GUCY1A1: variants seen among roughly 807,000 people sequenced by gnomAD.
The protein encoded by GUCY1A1 is guanylate cyclase soluble subunit alpha-1.
GUCY1A1 carries 48 observed loss-of-function variants against 64.5 expected under a neutral mutation model. That is an observed-to-expected ratio of 0.74 (90% CI 0.59 to 0.95). GUCY1A1 has a LOEUF of 0.95. Among genes scored for constraint, GUCY1A1 ranks in the 40% least tolerant of loss-of-function variants. The pLI, the probability that GUCY1A1 is intolerant of heterozygous loss-of-function variation, is 0.00. For missense variants in GUCY1A1, 804 were observed against 825.3 expected, an observed-to-expected ratio of 0.97 and a Z score of 0.32; for synonymous variants, 308 against 303.4, an observed-to-expected ratio of 1.02 and a Z score of -0.16.
At chr4:155,712,366 G>T (rs1163738131) in intron 6 of GUCY1A1, among the ~76,000 whole-genome samples, 1 of 152,086 alleles carries the variant, frequency 6.6e-6, no homozygotes, top group Non-Finnish European at 1.5e-5. Context: ...TCCTGACCTT[G>T]GGTGATCCAT....
chr4:155,697,925 T>C (rs892073939), intron 3 of GUCY1A1, among the ~76,000 whole-genome samples: 1 of 152,202 alleles, frequency 6.6e-6, no homozygotes, highest in African/African-American at 2.4e-5. Flanking sequence ...TAGTTTTATA[T>C]AGATTTGCTT....
chr4:155,701,905 G>A (rs1265896066), intron 3 of GUCY1A1, among the ~76,000 whole-genome samples: 3 of 151,418 alleles, frequency 2.0e-5, no homozygotes, highest in African/African-American at 7.3e-5. Flanking sequence ...AAATTTGTTT[G>A]TAAACAAGCT....
At chr4:155,707,688 A>T (rs1244310977) in intron 4 of GUCY1A1, among the ~76,000 whole-genome samples, 1 of 152,076 alleles carries the variant, frequency 6.6e-6, no homozygotes, top group African/African-American at 2.4e-5. Context: ...TCTTATGAAG[A>T]ATAACAAAAC....
In GUCY1A1 at chr4:155,713,599, G is replaced by A. The variant is rs778806947; in HGVS notation, c.1572+16G>A. 4 of 1,603,426 alleles carry A rather than the reference G, an allele frequency of 2.5e-6. No homozygotes were observed. The African/African-American group carries it at 5.4e-5, about 21-fold the overall frequency. On this transcript the variant is annotated intron_variant, in intron 7 of 9. Transcript: ENST00000506455. ...TGTCTACAAGGTAGGAGTGGACCAGGGAAATAATTGTTTTACCAGCAAACT... is the reference window on the plus strand; with the variant it reads ...TGTCTACAAGGTAGGAGTGGACCAGAGAAATAATTGTTTTACCAGCAAACT...
intron 7 of GUCY1A1, among the ~76,000 whole-genome samples, chr4:155,715,826 A>G (rs189220653): frequency 2.3e-4 from 35 of 152,328 alleles, no homozygotes; most frequent in South Asian, 8.3e-4. Context: ...AAGGGCTTAC[A>G]TATGATTAGG....
intron 2 of GUCY1A1, among the ~76,000 whole-genome samples, chr4:155,683,607 A>G (rs1323778981): frequency 1.3e-5 from 2 of 152,216 alleles, no homozygotes; most frequent in Admixed American, 6.5e-5. Flanking sequence ...TAGAGATTTG[A>G]AAAGGGACTA....
rs116435182 is a variant in GUCY1A1, at chr4:155,735,067, C to G, written c.*4836C>G. On this transcript the variant is annotated 3_prime_UTR_variant, in exon 10 of 10. Transcript: ENST00000506455. Reference sequence around the variant, plus strand: ...TCTTTTATTATATTGATGATGTGCACTCATTCAGTATTCTTATTTTAAGCT... The same window carrying G: ...TCTTTTATTATATTGATGATGTGCAGTCATTCAGTATTCTTATTTTAAGCT... 4 of 151,846 alleles carry G rather than the reference C, an allele frequency of 2.6e-5. No homozygotes were observed. The highest frequency in any genetic ancestry group is 9.7e-5 in the African/African-American group (4 of 41,370). The allele number at this position is 151,846 out of a possible 1,614,324, so 9.4% of individuals were successfully genotyped here. A position where few individuals can be genotyped will look rare whatever the true frequency, so the allele number is the denominator to read the frequency against.
At chr4:155,670,377 A>G (rs1430073540) in intron 2 of GUCY1A1, among the ~76,000 whole-genome samples, 1 of 152,178 alleles carries the variant, frequency 6.6e-6, no homozygotes, top group Non-Finnish European at 1.5e-5. Flanking sequence ...GCTTTTGTCA[A>G]TGTTTAGTTA....
rs1355237792 is a variant in GUCY1A1, at chr4:155,733,466, G to A, written c.*3235G>A. ...CCATCTGGGCAAAAATCACGAAGGG[G>A]TATGTGTGTCATGTAAAGGTGTGCC... On this transcript the variant is annotated 3_prime_UTR_variant, in exon 10 of 10. Transcript: ENST00000506455. Among the ~76,000 whole-genome samples the A allele has an allele frequency of 6.6e-6, 1 of 151,592 alleles. No individual in the cohort carries two copies. Among genetic ancestry groups the A allele is most frequent in the Non-Finnish European group, 1.5e-5 (1 of 67,830 alleles).
At position 155,722,954 on chromosome 4, in the gene GUCY1A1, C is replaced by T. The variant is rs115152781; in HGVS notation, c.1871+762C>T. ...TTGTTTTCATTATGTAGGCATGATT[C>T]GTTGAATCATTGGCCATGTGATTGA... On this transcript the variant is annotated intron_variant, in intron 9 of 9. Coordinates refer to ENST00000506455, the MANE Select transcript of GUCY1A1 (RefSeq NM_001130682.3). 6.1e-3 allele frequency among the ~76,000 whole-genome samples: 933 copies of T among 152,100 alleles called. 8 individuals carry two copies. The highest frequency in any genetic ancestry group is 0.022 in the African/African-American group (900 of 41,520).
chr4:155,711,380 A>C, intron 6 of GUCY1A1, 129 bp downstream of exon 6: 1 of 546,342 alleles, frequency 1.8e-6, no homozygotes, highest in Non-Finnish European at 3.2e-6. Flanking sequence ...TGGTAAAAGA[A>C]TTGTAAAGCT....
At chr4:155,724,700 G>A (rs756629719) in intron 9 of GUCY1A1, among the ~76,000 whole-genome samples, 18 of 151,854 alleles carry the variant, frequency 1.2e-4, no homozygotes, top group Admixed American at 1.1e-3. Flanking sequence ...AACCTTTGTT[G>A]CCGTGCTCAG....
chr4:155,696,486 A>G (rs1234908549), intron 2 of GUCY1A1, among the ~76,000 whole-genome samples: 1 of 152,244 alleles, frequency 6.6e-6, no homozygotes, highest in East Asian at 1.9e-4. Context: ...AATGGAAATC[A>G]GTAGTTGATG....
chr4:155,693,887 A>T (rs990821732), intron 2 of GUCY1A1, among the ~76,000 whole-genome samples: 27 of 152,190 alleles, frequency 1.8e-4, no homozygotes, highest in African/African-American at 6.5e-4. Context: ...CAGCGTTGAA[A>T]TCCAATGTGA....
chr4:155,687,763 G>A (rs59011600), intron 2 of GUCY1A1, among the ~76,000 whole-genome samples: 3,698 of 152,190 alleles, frequency 0.024, 149 homozygotes, highest in African/African-American at 0.083. Context: ...GCAAACACAG[G>A]CCATCTGTTC....
At chr4:155,712,964 T>G (rs1732767959) in intron 6 of GUCY1A1, 134 bp from the exon 7 acceptor site, 2 of 700,704 alleles carry the variant, frequency 2.9e-6, no homozygotes, top group Non-Finnish European at 4.8e-6. Flanking sequence ...ATAGGAACTA[T>G]AAGAAAGCAA....
intron 9 of GUCY1A1, chr4:155,722,489 G>A (rs1262323735): frequency 1.2e-5 from 13 of 1,116,964 alleles, no homozygotes; most frequent in Non-Finnish European, 1.2e-5. Flanking sequence ...GTTGATAGGT[G>A]TTCTGACATC....
intron 3 of GUCY1A1, among the ~76,000 whole-genome samples, chr4:155,700,572 T>C (rs1730952542): frequency 6.6e-6 from 1 of 152,182 alleles, no homozygotes; most frequent in African/African-American, 2.4e-5. Context: ...AAAGTACTTG[T>C]TTTAATAATT....
intron 2 of GUCY1A1, among the ~76,000 whole-genome samples, chr4:155,693,709 G>T (rs1365488140): frequency 6.6e-5 from 10 of 152,046 alleles, no homozygotes; most frequent in African/African-American, 2.4e-4. Context: ...ACTTCCTGTT[G>T]GCTGTTTTTG....
Sources: gnomAD v4.1 joint callset for allele counts (sites outside exome capture counted in the v4.1 genomes callset) on GRCh38, gnomAD v4.1.1 for gene constraint, MANE v1.5 for transcripts, NCBI Gene and HGNC (gene_info 2026-07-23, HGNC 2026-07-21) for gene names.